The following ABCA12 variants were observed in gnomAD, a reference collection of about 807,000 sequenced individuals.
ABCA12 encodes the protein glucosylceramide transporter ABCA12.
A neutral mutation model predicts 293.5 loss-of-function variants in ABCA12; 156 were observed. That is an observed-to-expected ratio of 0.53 (90% confidence interval 0.47 to 0.61). The LOEUF (loss-of-function observed/expected upper bound fraction) is 0.61, where lower values mean the gene tolerates loss of function less well. ABCA12 is among the 20% of genes least tolerant of loss of function. The pLI is 0.00. For synonymous variants in ABCA12, 1,063 were observed against 1,108.0 expected (o/e 0.96, Z 0.81); for missense variants, 2,797 against 3,090.2 (o/e 0.91, Z 2.25).
At position 215,119,039 on chromosome 2, in the gene ABCA12, C is replaced by T. The variant is rs549016116; in HGVS notation, c.70-7349G>A. Reference sequence around the variant, plus strand: ...TGCCCAGGGTAGAGTGGTACGATCTCGGCTCACTGCAACCTCCACCTTCCA... The same window carrying T: ...TGCCCAGGGTAGAGTGGTACGATCTTGGCTCACTGCAACCTCCACCTTCCA... On this transcript the variant is annotated intron_variant, in intron 1 of 52. Coordinates refer to ENST00000272895, the MANE Select transcript of ABCA12 (RefSeq NM_173076.3). Among the ~76,000 whole-genome samples, 391 of 152,186 alleles carry T rather than the reference C, an allele frequency of 2.6e-3. 1 individual carries two copies. The highest frequency in any genetic ancestry group is 4.3e-3 in the Non-Finnish European group (295 of 68,002).
chr2:215,103,392 C>T (rs1702399163), intron 2 of ABCA12, among the ~76,000 whole-genome samples: 1 of 150,466 alleles, frequency 6.6e-6, no homozygotes, highest in Non-Finnish European at 1.5e-5. Flanking sequence ...CCTCAGCCTA[C>T]CAAGTAGCTG....
chr2:215,093,802 C>A (rs1702196945), intron 2 of ABCA12, among the ~76,000 whole-genome samples: 2 of 152,304 alleles, frequency 1.3e-5, no homozygotes, highest in South Asian at 2.1e-4. Context: ...TTGTTCCTGG[C>A]CCAGACTTCA....
chr2:215,020,047 TA>T (rs1434553291), intron 11 of ABCA12, among the ~76,000 whole-genome samples: 3 of 152,168 alleles, frequency 2.0e-5, no homozygotes, highest in African/African-American at 7.2e-5. Flanking sequence ...GTCACAGGTT[TA>T]AAAAATGGAG....
intron 44 of ABCA12, 23 bp downstream of exon 44, chr2:214,953,831 C>T (rs763992086): frequency 2.0e-5 from 32 of 1,610,616 alleles, no homozygotes; most frequent in Non-Finnish European, 2.5e-5. Context: ...AGATGTCAAA[C>T]GTTATGTTTT....
intron 7 of ABCA12, chr2:215,038,963 C>T (rs1480121390): frequency 6.6e-6 from 1 of 152,106 alleles, no homozygotes; most frequent in Non-Finnish European, 1.5e-5. Flanking sequence ...TTCTCTTCAT[C>T]ATATAAAAAT....
intron 9 of ABCA12, among the ~76,000 whole-genome samples, chr2:215,028,627 G>C (rs1201544655): frequency 6.6e-6 from 1 of 152,104 alleles, no homozygotes; most frequent in Non-Finnish European, 1.5e-5. Context: ...CTTAGAGTAA[G>C]TTTTCTGTCC....
chr2:215,031,269 G>GT (rs1222236705), intron 9 of ABCA12, among the ~76,000 whole-genome samples: 3 of 152,060 alleles, frequency 2.0e-5, no homozygotes, highest in Non-Finnish European at 4.4e-5. Flanking sequence ...GCATTATCTT[G>GT]TTTAAGCATA....
chr2:214,951,590 C>G (rs1698773073), intron 44 of ABCA12, among the ~76,000 whole-genome samples: 1 of 152,092 alleles, frequency 6.6e-6, no homozygotes, highest in African/African-American at 2.4e-5. Flanking sequence ...AACCCTGTCT[C>G]TACTAAAAAT....
At chr2:215,041,965 T>A in intron 7 of ABCA12, among the ~76,000 whole-genome samples, 1 of 152,152 alleles carries the variant, frequency 6.6e-6, no homozygotes, top group Non-Finnish European at 1.5e-5. Flanking sequence ...GGGAAGTATC[T>A]AAAATAGTTA....
At chr2:215,060,373 A>G in intron 3 of ABCA12, among the ~76,000 whole-genome samples, 1 of 152,154 alleles carries the variant, frequency 6.6e-6, no homozygotes, top group East Asian at 1.9e-4. Flanking sequence ...ATAATAATTA[A>G]GACATTCTTC....
rs10498027 is a variant in ABCA12 at position 214,955,289 on chromosome 2, G to A, written c.6306C>T (p.Tyr2102=). The change falls in exon 43 of 53, where the codon TAC becomes TAT. Residue 2102 remains tyrosine (Y), a synonymous_variant. Transcript: ENST00000272895. The part of the protein sequence containing the change: ...FHETGMAFIT[Y]VCVNLFFGIN... ...TGCCAAAAAACAAGTTGACACAGACGTAAGTGATGAAGGCCATTCCTGTTT... is the reference window on the plus strand; with the variant it reads ...TGCCAAAAAACAAGTTGACACAGACATAAGTGATGAAGGCCATTCCTGTTT... 0.41 allele frequency: 655,297 copies of A among 1,613,548 alleles called. 135,013 individuals carry two copies. The highest frequency in any genetic ancestry group is 0.47 in the South Asian group (42,991 of 91,078).
At chr2:215,039,435 T>G (rs936137527) in intron 7 of ABCA12, among the ~76,000 whole-genome samples, 13 of 152,314 alleles carry the variant, frequency 8.5e-5, no homozygotes, top group African/African-American at 2.9e-4. Flanking sequence ...GCCATGTATT[T>G]AATTTAGAAT....
chr2:215,028,898 G>A (rs2049356), intron 9 of ABCA12, among the ~76,000 whole-genome samples: 151,854 of 152,340 alleles, frequency 1, 75,688 homozygotes, highest in East Asian at 1. Flanking sequence ...CAGGTATTTT[G>A]AAATGATAGT....
intron 31 of ABCA12, among the ~76,000 whole-genome samples, chr2:214,979,392 C>T (rs1199729835): frequency 6.6e-6 from 1 of 152,162 alleles, no homozygotes; most frequent in East Asian, 1.9e-4. Flanking sequence ...CATTCTCTCA[C>T]CACCTCCAAC....
At position 215,012,083 on chromosome 2, in the gene ABCA12, A is replaced by G; in HGVS notation, c.2009T>C (p.Phe670Ser). 1 of 1,613,978 alleles carries G rather than the reference A, an allele frequency of 6.2e-7. No homozygotes were observed. Among genetic ancestry groups the G allele is most frequent in the Non-Finnish European group, 8.5e-7 (1 of 1,179,890 alleles). ...QKPVEKMMELFIRLKEILNQM... is the reference protein window; with the variant it reads ...QKPVEKMMELSIRLKEILNQM... The stretch of plus-strand genomic sequence containing the variant: ...ATTGAGAATCTCTTTTAGTCTTATG[A>G]AGAGCTCCATCATCTTTTCTACTGG... The change falls in exon 16 of 53, where the codon TTC becomes TCC. Residue 670 changes from phenylalanine to serine, a missense_variant. Physicochemically the swap from Phe to Ser is radical, Grantham distance 155. Around this residue, in one of 3 missense-constraint regions of ABCA12, gnomAD observed 2,130 missense variants for 2,427.0 expected, o/e 0.88. Coordinates refer to ENST00000272895, the MANE Select transcript of ABCA12 (RefSeq NM_173076.3).
At chr2:215,095,382 T>C (rs1227869941) in intron 2 of ABCA12, among the ~76,000 whole-genome samples, 3 of 152,142 alleles carry the variant, frequency 2.0e-5, no homozygotes, top group African/African-American at 7.2e-5. Flanking sequence ...CCTTGTGTCT[T>C]CCATTTAGTT....
intron 1 of ABCA12, among the ~76,000 whole-genome samples, chr2:215,122,864 G>C (rs572600651): frequency 6.6e-6 from 1 of 152,198 alleles, no homozygotes; most frequent in Admixed American, 6.5e-5. Flanking sequence ...GTAATGGTGA[G>C]GACTAGGCTT....
chr2:215,011,656 G>A lies in ABCA12; in HGVS notation c.2122-7C>T. ...GGTTGCTTCTGTACATTGCCTGTGA[G>A]ACAAAAATCCACAATTTATTGACAC... On this transcript the variant is annotated splice_polypyrimidine_tract_variant and splice_region_variant and intron_variant, in intron 16 of 52. Coordinates refer to ENST00000272895, the MANE Select transcript of ABCA12 (RefSeq NM_173076.3). 6.2e-7 allele frequency: 1 copy of A among 1,613,644 alleles called. No homozygotes were observed. Among genetic ancestry groups the A allele is most frequent in the Non-Finnish European group, 8.5e-7 (1 of 1,179,650 alleles).
chr2:215,113,274 T>A (rs1215978191), intron 1 of ABCA12, among the ~76,000 whole-genome samples: 1 of 152,210 alleles, frequency 6.6e-6, no homozygotes, highest in Non-Finnish European at 1.5e-5. Flanking sequence ...TCTTAGACGT[T>A]GGGTATAATG....
Sources: gnomAD v4.1 joint callset for allele counts (sites outside exome capture counted in the v4.1 genomes callset) on GRCh38, gnomAD v4.1.1 for gene constraint, gnomAD v4.1.1 regional missense constraint, MANE v1.5 for transcripts, NCBI Gene and HGNC (gene_info 2026-07-23, HGNC 2026-07-21) for gene names.